The following PLEKHG3 variants were observed in gnomAD, a reference collection of about 807,000 sequenced individuals.
The protein encoded by PLEKHG3 is pleckstrin homology domain-containing family G member 3.
Under a neutral mutation model 94.9 loss-of-function variants are expected in PLEKHG3, and 62 were observed. That is an observed-to-expected ratio of 0.65 (90% CI 0.53 to 0.81). The LOEUF (loss-of-function observed/expected upper bound fraction) is 0.81, where lower values mean the gene tolerates loss of function less well. Among genes scored for constraint, PLEKHG3 ranks in the 30% least tolerant of loss-of-function variants. The probability of loss-of-function intolerance (pLI) is 0.00; values close to 1 mark genes in which losing one functional copy is unlikely to be tolerated. For synonymous variants in PLEKHG3, 614 were observed against 654.0 expected (o/e 0.94, Z 0.93); for missense variants, 1,461 against 1,619.3 (o/e 0.90, Z 1.68).
chr14:64,717,148 T>TGTGA lies in PLEKHG3; in HGVS notation c.-39-10444_-39-10443insTGAG, dbSNP rs1555359515. Among the ~76,000 whole-genome samples the TGTGA allele has an allele frequency of 2.6e-5, 4 of 151,594 alleles. No homozygotes were observed. The highest frequency in any genetic ancestry group is 6.6e-5 in the Admixed American group (1 of 15,200). On this transcript the variant is annotated intron_variant, in intron 1 of 16. Coordinates refer to ENST00000247226, the MANE Select transcript of PLEKHG3 (RefSeq NM_001308147.2). The surrounding 1 kb of genome is among the most constrained non-coding windows in gnomAD (Gnocchi z 4.7). The stretch of plus-strand genomic sequence containing the variant: ...GTGTGTGTGTGTGTGTGTGTGTGTG[T>TGTGA]GAGTCCATAAGGTCTGCTTTGGAAA...
Position 64,732,962 on chromosome 14 carries a change from C to A in PLEKHG3, c.1345+61C>A. 9.4e-7 allele frequency: 1 copy of A among 1,068,206 alleles called. No homozygotes were observed. Among genetic ancestry groups the A allele is most frequent in the Non-Finnish European group, 1.4e-6 (1 of 706,496 alleles). 66.2% of individuals were successfully genotyped at this position (1,068,206 alleles called of 1,614,324 possible). On this transcript the variant is annotated intron_variant, in intron 12 of 16. Transcript: ENST00000247226. This position sits in a 1 kb window ranked among gnomAD's most constrained non-coding sequence, Gnocchi z 4.9. ...CTCACACCCTTGCCCAGACTGGGGA[C>A]CGTCTGCGGCAGTGTCCAGGGCTGT...
chr14:64,712,620 T>G (rs1201172001), intron 1 of PLEKHG3, among the ~76,000 whole-genome samples: 1 of 152,256 alleles, frequency 6.6e-6, no homozygotes, highest in African/African-American at 2.4e-5. Flanking sequence ...GATTGCTCAT[T>G]GCTAGTGTAC....
chr14:64,728,281 G>A lies in PLEKHG3; in HGVS notation c.351+299G>A, dbSNP rs2081392066. The stretch of plus-strand genomic sequence containing the variant: ...TGAATGGAGTGAAGACATGGGCTCT[G>A]GGCCTGGCCCCATGCATCCCCTGCC... On this transcript the variant is annotated intron_variant, in intron 2 of 16. Transcript: ENST00000247226. This position sits in a 1 kb window ranked among gnomAD's most constrained non-coding sequence, Gnocchi z 5.9. 6.6e-6 allele frequency among the ~76,000 whole-genome samples: 1 copy of A among 152,210 alleles called. No individual in the cohort carries two copies. The highest frequency in any genetic ancestry group is 2.1e-4 in the South Asian group (1 of 4,834).
In PLEKHG3 at chr14:64,750,036, C is replaced by T; in HGVS notation, c.*6333C>T. ...TAGTTGGCAGCAATCTCACAGATGG[C>T]ATGTCTCAGGGCCAGGGGTTCCTCC... On this transcript the variant is annotated 3_prime_UTR_variant, in exon 17 of 17. Coordinates refer to ENST00000247226, the MANE Select transcript of PLEKHG3 (RefSeq NM_001308147.2). 6.2e-7 allele frequency: 1 copy of T among 1,614,242 alleles called. No individual in the cohort carries two copies. The highest frequency in any genetic ancestry group is 8.5e-7 in the Non-Finnish European group (1 of 1,180,044).
chr14:64,733,171 T>TC (rs2081507196), intron 12 of PLEKHG3, among the ~76,000 whole-genome samples: 3 of 127,028 alleles, frequency 2.4e-5, no homozygotes, highest in Middle Eastern at 7.5e-3. Flanking sequence ...TTTCTTTTTT[T>TC]TTTTTTTTTG....
Position 64,731,509 on chromosome 14 carries a change from G to T in PLEKHG3, c.998G>T (p.Arg333Leu). Residue 333 changes from arginine (R) to leucine (L), a missense_variant, in exon 8 of 17, where the codon CGG (arginine) becomes CTG (leucine). Around this residue, in one of 3 missense-constraint regions of PLEKHG3, gnomAD observed 1,201 missense variants for 1,295.5 expected, o/e 0.93. Coordinates refer to ENST00000247226, the MANE Select transcript of PLEKHG3 (RefSeq NM_001308147.2). This position sits in a 1 kb window ranked among gnomAD's most constrained non-coding sequence, Gnocchi z 6.1. ...AAAACACTGCTTATCACCAAGAAGC[G>T]GGGCGATCACTTTGTCTACAAGGGC... Reference protein sequence around the residue: ...FDKTLLITKKRGDHFVYKGNI... With the variant: ...FDKTLLITKKLGDHFVYKGNI... 6.2e-7 allele frequency: 1 copy of T among 1,614,084 alleles called. No individual in the cohort carries two copies. Among genetic ancestry groups the T allele is most frequent in the Non-Finnish European group, 8.5e-7 (1 of 1,180,004 alleles).
chr14:64,741,716 C>T lies in PLEKHG3; in HGVS notation c.2199C>T (p.Gly733=), dbSNP rs1309274958. The T allele has an allele frequency of 5.2e-5, 84 of 1,613,000 alleles. No individual in the cohort carries two copies. Among genetic ancestry groups the T allele is most frequent in the Non-Finnish European group, 6.9e-5 (82 of 1,180,040 alleles). Residue 733 remains glycine, a synonymous_variant, in exon 16 of 17, where the codon GGC becomes GGT. Transcript: ENST00000247226. ...YYENAEHHDA[G]FSVRRRESLS... is the part of the protein sequence containing the mutation. ...AAAATGCAGAACACCATGATGCAGG[C>T]TTCAGCGTCCGTCGCCGGGAGAGCC...
Position 64,720,844 on chromosome 14 carries a change from C to T in PLEKHG3, c.-39-6749C>T, listed in dbSNP as rs899359586. 9.9e-5 allele frequency among the ~76,000 whole-genome samples: 15 copies of T among 152,120 alleles called. No individual in the cohort carries two copies. On this transcript the variant is annotated intron_variant, in intron 1 of 16. Transcript: ENST00000247226. The surrounding 1 kb of genome is among the most constrained non-coding windows in gnomAD (Gnocchi z 4.1). Reference sequence around the variant, plus strand: ...TGCTCTTCCTAGCTTCCCAGGCTGCCTGTATCCTTGGCTTGTGGCCCCTTC... The same window carrying T: ...TGCTCTTCCTAGCTTCCCAGGCTGCTTGTATCCTTGGCTTGTGGCCCCTTC...
chr14:64,704,978 C>T lies in PLEKHG3; in HGVS notation c.-40+274C>T, dbSNP rs1376612701. On this transcript the variant is annotated intron_variant, in intron 1 of 16. Transcript: ENST00000247226. This position sits in a 1 kb window ranked among gnomAD's most constrained non-coding sequence, Gnocchi z 5.6. ...TCCGGAAACAAAAGGGGCAAATGCG[C>T]CGGGCGGCTCCAGAGAGGCTCAGTT... Among the ~76,000 whole-genome samples the T allele has an allele frequency of 6.6e-6, 1 of 152,190 alleles. No homozygotes were observed. Among genetic ancestry groups the T allele is most frequent in the Non-Finnish European group, 1.5e-5 (1 of 68,038 alleles).
At chr14:64,706,903 G>A (rs1030756728) in intron 1 of PLEKHG3, among the ~76,000 whole-genome samples, 3 of 152,218 alleles carry the variant, frequency 2.0e-5, no homozygotes, top group Admixed American at 6.5e-5. Flanking sequence ...AGCCCAGGCC[G>A]CCCTGGCCTT....
In PLEKHG3 at chr14:64,741,579, C is replaced by G; in HGVS notation, c.2062C>G (p.Pro688Ala). The change falls in exon 16 of 17, where the codon CCC (proline) becomes GCC (alanine). Residue 688 changes from proline to alanine, a missense_variant. Physicochemically the swap from Pro to Ala is conservative, Grantham distance 27 (BLOSUM62 -1). This residue lies in a region of PLEKHG3 where 1,201 missense variants were observed against 1,295.5 expected (regional missense o/e 0.93). Coordinates refer to ENST00000247226, the MANE Select transcript of PLEKHG3 (RefSeq NM_001308147.2). ...EDSPSVNGME[P>A]PSPGCPVEPD... is the part of the protein sequence containing the mutation. ...CAGCCCTTCTGTCAATGGGATGGAG[C>G]CCCCAAGCCCAGGCTGCCCAGTGGA... The G allele has an allele frequency of 6.2e-7, 1 of 1,612,910 alleles. No individual in the cohort carries two copies. Among genetic ancestry groups the G allele is most frequent in the Non-Finnish European group, 8.5e-7 (1 of 1,180,016 alleles).
chr14:64,730,182 G>A lies in PLEKHG3; in HGVS notation c.450-61G>A. The A allele has an allele frequency of 2.3e-6, 2 of 876,200 alleles. No individual in the cohort carries two copies. Among genetic ancestry groups the A allele is most frequent in the South Asian group, 1.4e-5 (1 of 70,424 alleles). The allele number at this position is 876,200 out of a possible 1,614,324, so 54.3% of individuals were successfully genotyped here. Reference sequence around the variant, plus strand: ...CAGGGTTTGGGAGGTTGGGGAGGGGGCAGTGAGGGGCATTGTCCTCTGACT... The same window carrying A: ...CAGGGTTTGGGAGGTTGGGGAGGGGACAGTGAGGGGCATTGTCCTCTGACT... On this transcript the variant is annotated intron_variant, in intron 3 of 16. Transcript: ENST00000247226. The surrounding 1 kb of genome is among the most constrained non-coding windows in gnomAD (Gnocchi z 5.4).
At position 64,716,803 on chromosome 14, in the gene PLEKHG3, C is replaced by T. The variant is rs967573130; in HGVS notation, c.-39-10790C>T. On this transcript the variant is annotated intron_variant, in intron 1 of 16. Coordinates refer to ENST00000247226, the MANE Select transcript of PLEKHG3 (RefSeq NM_001308147.2). The surrounding 1 kb of genome is among the most constrained non-coding windows in gnomAD (Gnocchi z 5.0). The stretch of plus-strand genomic sequence containing the variant: ...AAGGCCTCACTTTTCAAGGAGTAGA[C>T]GCTGCTTCCTCGGCCGTGTCTCTAC... Among the ~76,000 whole-genome samples the T allele has an allele frequency of 3.9e-5, 6 of 152,060 alleles. No homozygotes were observed. Among genetic ancestry groups the T allele is most frequent in the Non-Finnish European group, 5.9e-5 (4 of 68,020 alleles).
chr14:64,730,549 G>A lies in PLEKHG3; in HGVS notation c.520-93G>A, dbSNP rs1365969523. 1 of 1,024,232 alleles carries A rather than the reference G, an allele frequency of 9.8e-7. No homozygotes were observed. Among genetic ancestry groups the A allele is most frequent in the East Asian group, 2.4e-5 (1 of 40,974 alleles). 63.4% of individuals were successfully genotyped at this position (1,024,232 alleles called of 1,614,324 possible). A position where few individuals can be genotyped will look rare whatever the true frequency, so the allele number is the denominator to read the frequency against. ...TAGGCATTTGGGAACAGGGGACAGA[G>A]GGTGCTCTGGGGGCCAGGGGCCTAT... is the stretch of plus-strand genomic sequence containing the variant. On this transcript the variant is annotated intron_variant, in intron 4 of 16. Coordinates refer to ENST00000247226, the MANE Select transcript of PLEKHG3 (RefSeq NM_001308147.2). This position sits in a 1 kb window ranked among gnomAD's most constrained non-coding sequence, Gnocchi z 5.4.
intron 12 of PLEKHG3, among the ~76,000 whole-genome samples, chr14:64,736,279 C>A (rs2081566609): frequency 6.6e-6 from 1 of 152,242 alleles, no homozygotes; most frequent in African/African-American, 2.4e-5. Context: ...TGTATCCTGT[C>A]CCCAGAGCCT....
chr14:64,738,618 G>A lies in PLEKHG3; in HGVS notation c.1405-124G>A. The A allele has an allele frequency of 2.7e-6, 2 of 734,256 alleles. No homozygotes were observed. The highest frequency in any genetic ancestry group is 2.3e-5 in the Admixed American group (1 of 43,040). The allele number at this position is 734,256 out of a possible 1,614,324, so 45.5% of individuals were successfully genotyped here. On this transcript the variant is annotated intron_variant, in intron 14 of 16. Coordinates refer to ENST00000247226, the MANE Select transcript of PLEKHG3 (RefSeq NM_001308147.2). The surrounding 1 kb of genome is among the most constrained non-coding windows in gnomAD (Gnocchi z 4.8). Reference sequence around the variant, plus strand: ...TCAGGTTGGCTCTGGAATGGCTCAGGTCCAAGACTGGCTCTCAGCTCAGCC... The same window carrying A: ...TCAGGTTGGCTCTGGAATGGCTCAGATCCAAGACTGGCTCTCAGCTCAGCC...
At chr14:64,734,391 C>A (rs946631420) in intron 12 of PLEKHG3, among the ~76,000 whole-genome samples, 1 of 152,100 alleles carries the variant, frequency 6.6e-6, no homozygotes, top group African/African-American at 2.4e-5. Flanking sequence ...CAAGTGATAA[C>A]GTTGGTGGTA....
rs1391119048 is a variant in PLEKHG3, at chr14:64,720,215, G to T, written c.-39-7378G>T. 6.6e-6 allele frequency among the ~76,000 whole-genome samples: 1 copy of T among 152,190 alleles called. No individual in the cohort carries two copies. Among genetic ancestry groups the T allele is most frequent in the Non-Finnish European group, 1.5e-5 (1 of 68,036 alleles). ...CTTGGCTACTTTCCCCTTCCTCCCA[G>T]TCTCTTGTGGCTGGTCACCTAGTAT... On this transcript the variant is annotated intron_variant, in intron 1 of 16. Coordinates refer to ENST00000247226, the MANE Select transcript of PLEKHG3 (RefSeq NM_001308147.2). The surrounding 1 kb of genome is among the most constrained non-coding windows in gnomAD (Gnocchi z 4.1).
chr14:64,716,232 T>G lies in PLEKHG3; in HGVS notation c.-39-11361T>G. ...AGGCTTTAGGGTAAAAGGCAGGTTT[T>G]TCCCTTGTGGGTTAGACACTGAGGA... On this transcript the variant is annotated intron_variant, in intron 1 of 16. Transcript: ENST00000247226. The surrounding 1 kb of genome is among the most constrained non-coding windows in gnomAD (Gnocchi z 5.0). The G allele has an allele frequency of 2.8e-6, 1 of 357,712 alleles. No individual in the cohort carries two copies. Among genetic ancestry groups the G allele is most frequent in the South Asian group, 2.0e-5 (1 of 48,992 alleles). 22.2% of individuals were successfully genotyped at this position (357,712 alleles called of 1,614,324 possible). A position where few individuals can be genotyped will look rare whatever the true frequency, so the allele number is the denominator to read the frequency against.
Sources: allele counts gnomAD v4.1 joint callset (sites outside exome capture counted in the v4.1 genomes callset), GRCh38; gene constraint gnomAD v4.1.1; regional missense constraint gnomAD v4.1.1; non-coding constraint Gnocchi (gnomAD v3.1); transcripts MANE v1.5; gene names NCBI Gene and HGNC (gene_info 2026-07-23, HGNC 2026-07-21).